Variants in TFRC observed in about 807,000 individuals in gnomAD.
TFRC encodes the protein transferrin receptor protein 1.
Under a neutral mutation model 85.8 loss-of-function variants are expected in TFRC, and 35 were observed. The ratio of observed to expected loss-of-function variants is 0.41; its 90% CI spans 0.31 to 0.54. The LOEUF is 0.54. Among genes scored for constraint, TFRC ranks in the 20% least tolerant of loss-of-function variants. The pLI, the probability that TFRC is intolerant of heterozygous loss-of-function variation, is 0.31. For missense variants in TFRC, 828 were observed against 921.5 expected (o/e 0.90, Z 1.31); for synonymous variants, 362 against 328.6 (o/e 1.10, Z -1.10).
At chr3:196,077,822 A>C (rs1039878317) in intron 1 of TFRC, among the ~76,000 whole-genome samples, 1 of 152,200 alleles carries the variant, frequency 6.6e-6, no homozygotes. Flanking sequence ...CAGTTATGCT[A>C]CAAATACCAC....
intron 5 of TFRC, 61 bp from the exon 6 acceptor site, chr3:196,071,559 T>TA (rs550601655): frequency 1.3e-5 from 19 of 1,450,376 alleles, no homozygotes; most frequent in Non-Finnish European, 1.8e-5. Flanking sequence ...CACAATAGCT[T>TA]ACATTTAGTA....
rs897799366 is a variant in TFRC at position 196,078,300 on chromosome 3, G to A, written c.-23-1178C>T. Among the ~76,000 whole-genome samples, 5 of 151,968 alleles carry A rather than the reference G, an allele frequency of 3.3e-5. 1 individual carries two copies. Among genetic ancestry groups the A allele is most frequent in the South Asian group, 2.1e-4 (1 of 4,812 alleles). On this transcript the variant is annotated intron_variant, in intron 1 of 18. Transcript: ENST00000360110. ...CACTTAGGGCATATTAAACACACAC[G>A]GCACAAAGCAAGCTGTGAGGTATAC...
At chr3:196,077,473 T>C (rs35587059) in intron 1 of TFRC, among the ~76,000 whole-genome samples, 73,433 of 150,856 alleles carry the variant, frequency 0.49, 19,470 homozygotes, top group Non-Finnish European at 0.61. Flanking sequence ...CACATACTGC[T>C]GGGCGGGGTG....
chr3:196,063,191 A>C, intron 11 of TFRC: 1 of 387,512 alleles, frequency 2.6e-6, no homozygotes, highest in Non-Finnish European at 4.7e-6. Context: ...TCTGCAAATA[A>C]GATTTTGAGT....
At chr3:196,066,201 TG>T (rs1478213376) in intron 9 of TFRC, among the ~76,000 whole-genome samples, 6 of 152,236 alleles carry the variant, frequency 3.9e-5, no homozygotes, top group African/African-American at 1.4e-4. Context: ...GGACTCAAAA[TG>T]AAGTTCTTCT....
At chr3:196,054,154 C>T (rs540383891) in intron 17 of TFRC, among the ~76,000 whole-genome samples, 1 of 152,202 alleles carries the variant, frequency 6.6e-6, no homozygotes, top group Admixed American at 6.5e-5. Context: ...AGGAGAATGG[C>T]GTGAACCCGG....
intron 13 of TFRC, among the ~76,000 whole-genome samples, chr3:196,061,537 T>A (rs1228220334): frequency 1.3e-5 from 2 of 152,216 alleles, no homozygotes; most frequent in East Asian, 1.9e-4. Flanking sequence ...TCGCCCAGGC[T>A]GGAGGGCAAT....
chr3:196,071,105 TA>T (rs1456525324), intron 6 of TFRC, among the ~76,000 whole-genome samples: 1 of 152,172 alleles, frequency 6.6e-6, no homozygotes, highest in Admixed American at 6.6e-5. Context: ...AACATGGCAG[TA>T]AATAGAACTA....
intron 14 of TFRC, 54 bp from the exon 15 acceptor site, chr3:196,058,686 G>T: frequency 7.7e-7 from 1 of 1,300,956 alleles, no homozygotes; most frequent in Non-Finnish European, 1.1e-6. Flanking sequence ...TATTTATTCA[G>T]GCTAGTCACT....
chr3:196,058,219 C>G (rs968433296), intron 16 of TFRC, 65 bp downstream of exon 16: 1 of 1,384,234 alleles, frequency 7.2e-7, no homozygotes, highest in Non-Finnish European at 1.0e-6. Context: ...TGCCCTATTC[C>G]CAAATACAGA....
At position 196,067,623 on chromosome 3, in the gene TFRC, C is replaced by T. The variant is rs1441378596; in HGVS notation, c.935G>A (p.Gly312Glu). The T allele has an allele frequency of 6.2e-7, 1 of 1,613,942 alleles. No individual in the cohort carries two copies. Among genetic ancestry groups the T allele is most frequent in the Non-Finnish European group, 8.5e-7 (1 of 1,180,008 alleles). The change falls in exon 9 of 19, where the codon GGA becomes GAA. Residue 312 changes from glycine (G) to glutamate (E), a missense_variant. Transcript: ENST00000360110. The stretch of plus-strand genomic sequence containing the variant: ...CTGAGTGTGATTGAAGGAAGGGAAT[C>T]CAGGTGTGTAAGGGTCACCTGTCCC... ...HLGTGDPYTP[G>E]FPSFNHTQFP...
chr3:196,075,050 A>C, intron 3 of TFRC, 109 bp downstream of exon 3: 2 of 831,416 alleles, frequency 2.4e-6, no homozygotes, highest in South Asian at 4.0e-5. Context: ...TGTCTCCAAA[A>C]AAAAAAAAAA....
intron 16 of TFRC, among the ~76,000 whole-genome samples, chr3:196,057,535 C>G (rs1017784856): frequency 2.0e-5 from 3 of 152,138 alleles, no homozygotes; most frequent in African/African-American, 7.2e-5. Context: ...GCTTGTCCTG[C>G]TACAGGATTA....
Position 196,051,348 on chromosome 3 carries a change from T to A in TFRC, c.*594A>T, listed in dbSNP as rs569805430. 2 of 219,102 alleles carry A rather than the reference T, an allele frequency of 9.1e-6. No individual in the cohort carries two copies. The highest frequency in any genetic ancestry group is 1.9e-4 in the South Asian group (1 of 5,400). 13.6% of individuals were successfully genotyped at this position (219,102 alleles called of 1,614,324 possible). A position where few individuals can be genotyped will look rare whatever the true frequency, so the allele number is the denominator to read the frequency against. ...GGTTAACATATTAAGGCCTTATTCCTGCAATCAACAGTTGAACCTCATTTT... is the reference window on the plus strand; with the variant it reads ...GGTTAACATATTAAGGCCTTATTCCAGCAATCAACAGTTGAACCTCATTTT... On this transcript the variant is annotated 3_prime_UTR_variant, in exon 19 of 19. Coordinates refer to ENST00000360110, the MANE Select transcript of TFRC (RefSeq NM_001128148.3).
chr3:196,050,714 T>C lies in TFRC; in HGVS notation c.*1228A>G, dbSNP rs1416361948. 2 of 205,128 alleles carry C rather than the reference T, an allele frequency of 9.8e-6. No individual in the cohort carries two copies. Among genetic ancestry groups the C allele is most frequent in the Non-Finnish European group, 2.0e-5 (2 of 100,058 alleles). 12.7% of individuals were successfully genotyped at this position (205,128 alleles called of 1,614,324 possible). A position where few individuals can be genotyped will look rare whatever the true frequency, so the allele number is the denominator to read the frequency against. ...CAGGAGTACTACCACAGCCTTTAAG[T>C]GACATTGATTTATAACTTGGTCACA... On this transcript the variant is annotated 3_prime_UTR_variant, in exon 19 of 19. Transcript: ENST00000360110.
chr3:196,053,389 A>T (rs762358143), intron 18 of TFRC, 29 bp downstream of exon 18: 1 of 1,612,960 alleles, frequency 6.2e-7, no homozygotes, highest in African/African-American at 1.3e-5. Context: ...CACATACTTT[A>T]GTTCCTCCTT....
chr3:196,062,708 T>C (rs1040225057), intron 12 of TFRC, 63 bp from the exon 13 acceptor site: 11 of 1,557,588 alleles, frequency 7.1e-6, no homozygotes, highest in Non-Finnish European at 9.6e-6. Context: ...ACAGTAGCAT[T>C]AGGGATTCAT....
At chr3:196,058,217 TC>T in intron 16 of TFRC, 66 bp downstream of exon 16, 1 of 1,340,626 alleles carries the variant, frequency 7.5e-7, no homozygotes, top group Non-Finnish European at 1.1e-6. Flanking sequence ...AATGCCCTAT[TC>T]CCAAATACAG....
At chr3:196,075,910 T>A (rs1422067023) in intron 2 of TFRC, among the ~76,000 whole-genome samples, 4 of 151,604 alleles carry the variant, frequency 2.6e-5, no homozygotes, top group Non-Finnish European at 5.9e-5. Context: ...CACAGATCAT[T>A]TATGGTCAGA....
Sources: allele counts gnomAD v4.1 joint callset (sites outside exome capture counted in the v4.1 genomes callset), GRCh38; gene constraint gnomAD v4.1.1; transcripts MANE v1.5; gene names NCBI Gene and HGNC (gene_info 2026-07-23, HGNC 2026-07-21).